Variants in PDIK1L observed in about 807,000 individuals in gnomAD.
PDIK1L encodes the protein PDLIM1 interacting kinase 1 like.
A neutral mutation model predicts 27.1 loss-of-function variants in PDIK1L; 9 were observed. The ratio of observed to expected loss-of-function variants is 0.33; its 90% confidence interval spans 0.20 to 0.58. PDIK1L has a LOEUF of 0.58. Among genes scored for constraint, PDIK1L ranks in the 20% least tolerant of loss-of-function variants. PDIK1L has a pLI of 0.86. For missense variants in PDIK1L, 216 were observed against 413.2 expected, an observed-to-expected ratio of 0.52 and a Z score of 4.14; for synonymous variants, 130 against 141.7, an observed-to-expected ratio of 0.92 and a Z score of 0.59.
At chr1:26,116,193 A>G (rs1322032673) in intron 2 of PDIK1L, among the ~76,000 whole-genome samples, 1 of 125,028 alleles carries the variant, frequency 8.0e-6, no homozygotes, top group Admixed American at 8.1e-5. Context: ...ACAGAGCAAG[A>G]CTCCATCTCA....
At position 26,119,857 on chromosome 1, in the gene PDIK1L, C is replaced by CA. The variant is rs199583352; in HGVS notation, c.286-1978dup. Among the ~76,000 whole-genome samples, 714 of 149,950 alleles carry CA rather than the reference C, an allele frequency of 4.8e-3. 3 individuals are homozygous for CA. Among genetic ancestry groups the CA allele is most frequent in the African/African-American group, 0.016 (653 of 40,756 alleles). ...CTGGCAACAGAGTGAGACTCTGTCT[C>CA]AATAAAAAAAAAATTGAAAAAAGAT... On this transcript the variant is annotated intron_variant, in intron 2 of 2. Transcript: ENST00000374269.
At chr1:26,119,325 T>A (rs1331273343) in intron 2 of PDIK1L, among the ~76,000 whole-genome samples, 1 of 151,876 alleles carries the variant, frequency 6.6e-6, no homozygotes. Flanking sequence ...GGAGGATCAT[T>A]TGAGCCAGGG....
chr1:26,113,702 T>C (rs975915158), intron 1 of PDIK1L, among the ~76,000 whole-genome samples: 1 of 152,134 alleles, frequency 6.6e-6, no homozygotes, highest in African/African-American at 2.4e-5. Context: ...ATAAGCCAGG[T>C]GTTTGTATTT....
chr1:26,115,416 A>C (rs2087860101), intron 2 of PDIK1L, among the ~76,000 whole-genome samples: 1 of 152,254 alleles, frequency 6.6e-6, no homozygotes, highest in Non-Finnish European at 1.5e-5. Context: ...GGCTTCTGCC[A>C]GAAATTAAAA....
At chr1:26,118,542 A>C (rs1347004071) in intron 2 of PDIK1L, among the ~76,000 whole-genome samples, 1 of 152,212 alleles carries the variant, frequency 6.6e-6, no homozygotes, top group Non-Finnish European at 1.5e-5. Flanking sequence ...TGCTAGCTGA[A>C]TGACCTTGGA....
At position 26,114,577 on chromosome 1, in the gene PDIK1L, C is replaced by G. The variant is rs1356550232; in HGVS notation, c.269C>G (p.Ser90Cys). The G allele has an allele frequency of 1.2e-6, 2 of 1,613,514 alleles. No individual in the cohort carries two copies. The highest frequency in any genetic ancestry group is 2.2e-5 in the South Asian group (2 of 91,080). The change falls in exon 2 of 3, where the codon TCT becomes TGT. Residue 90 changes from serine (S) to cysteine (C), a missense_variant. Ser to Cys is a moderately radical substitution (Grantham distance 112, BLOSUM62 -1). This residue lies in a region of PDIK1L where 169 missense variants were observed against 366.0 expected (regional missense o/e 0.46). Transcript: ENST00000374269. The surrounding 1 kb of genome is among the most constrained non-coding windows in gnomAD (Gnocchi z 4.8). Reference sequence around the variant, plus strand: ...CAAAAGATGTCCCACGGCTCTAATTCTTCCCTTTATTTACAGGTATGTGTT... The same window carrying G: ...CAAAAGATGTCCCACGGCTCTAATTGTTCCCTTTATTTACAGGTATGTGTT... ...MVQKMSHGSN[S>C]SLYLQLVETS...
intron 2 of PDIK1L, among the ~76,000 whole-genome samples, chr1:26,118,526 A>G (rs1208226474): frequency 6.6e-6 from 1 of 152,194 alleles, no homozygotes; most frequent in Non-Finnish European, 1.5e-5. Flanking sequence ...CACTTATGGT[A>G]TGTTTTGCTA....
At chr1:26,121,285 G>A (rs141046089) in intron 2 of PDIK1L, among the ~76,000 whole-genome samples, 5 of 152,330 alleles carry the variant, frequency 3.3e-5, no homozygotes, top group East Asian at 1.9e-4. Flanking sequence ...ATGAAGTAAC[G>A]ACGTCAGTCT....
At position 26,122,875 on chromosome 1, in the gene PDIK1L, T is replaced by C. The variant is rs529014964; in HGVS notation, c.*298T>C. On this transcript the variant is annotated 3_prime_UTR_variant, in exon 3 of 3. Transcript: ENST00000374269. The surrounding 1 kb of genome is among the most constrained non-coding windows in gnomAD (Gnocchi z 5.4). Reference sequence around the variant, plus strand: ...AAGAGAGTCCAGTTTTCTGGAAATATGTCTTTAAGTATTTTAGACATTCCT... The same window carrying C: ...AAGAGAGTCCAGTTTTCTGGAAATACGTCTTTAAGTATTTTAGACATTCCT... 2.4e-4 allele frequency: 54 copies of C among 225,104 alleles called. No homozygotes were observed. The highest frequency in any genetic ancestry group is 1.1e-3 in the African/African-American group (49 of 43,722). The allele number at this position is 225,104 out of a possible 1,614,324, so 13.9% of individuals were successfully genotyped here. A position where few individuals can be genotyped will look rare whatever the true frequency, so the allele number is the denominator to read the frequency against.
intron 2 of PDIK1L, among the ~76,000 whole-genome samples, chr1:26,117,975 A>C (rs573662653): frequency 4.1e-4 from 61 of 150,238 alleles, no homozygotes; most frequent in African/African-American, 1.2e-3. Flanking sequence ...TGGGAGGATC[A>C]CTTGAGCCTT....
Position 26,114,445 on chromosome 1 carries a change from A to G in PDIK1L, c.137A>G (p.Asn46Ser). The G allele has an allele frequency of 6.2e-7, 1 of 1,614,166 alleles. No homozygotes were observed. The highest frequency in any genetic ancestry group is 8.5e-7 in the Non-Finnish European group (1 of 1,180,014). ...AAAATTCGATGTCACGCACCTGAAA[A>G]TGTTGAACTAGCCCTTCGTGAGTTC... ...VKKIRCHAPE[N>S]VELALREFWA... The change falls in exon 2 of 3, where the codon AAT becomes AGT. Residue 46 changes from asparagine to serine, a missense_variant. Asn to Ser is a conservative substitution (Grantham distance 46, BLOSUM62 1). Coordinates refer to ENST00000374269, the MANE Select transcript of PDIK1L (RefSeq NM_152835.5). This position sits in a 1 kb window ranked among gnomAD's most constrained non-coding sequence, Gnocchi z 4.8.
At position 26,122,679 on chromosome 1, in the gene PDIK1L, T is replaced by C; in HGVS notation, c.*102T>C. 1 of 1,326,282 alleles carries C rather than the reference T, an allele frequency of 7.5e-7. No individual in the cohort carries two copies. Among genetic ancestry groups the C allele is most frequent in the South Asian group, 2.0e-5 (1 of 50,996 alleles). The allele number at this position is 1,326,282 out of a possible 1,614,324, so 82.2% of individuals were successfully genotyped here. A position where few individuals can be genotyped will look rare whatever the true frequency, so the allele number is the denominator to read the frequency against. Reference sequence around the variant, plus strand: ...GAATATAAAAAGCTAGACTCTACCCTCTAAGGGTTTAGATTTTTTGTGGGA... The same window carrying C: ...GAATATAAAAAGCTAGACTCTACCCCCTAAGGGTTTAGATTTTTTGTGGGA... On this transcript the variant is annotated 3_prime_UTR_variant, in exon 3 of 3. Transcript: ENST00000374269. This position sits in a 1 kb window ranked among gnomAD's most constrained non-coding sequence, Gnocchi z 5.4.
intron 2 of PDIK1L, among the ~76,000 whole-genome samples, chr1:26,119,017 AC>A (rs1411612245): frequency 1.3e-5 from 2 of 152,246 alleles, no homozygotes; most frequent in Non-Finnish European, 2.9e-5. Flanking sequence ...ATGCATGGGA[AC>A]CTAGTGGCCA....
Position 26,122,585 on chromosome 1 carries a change from T to G in PDIK1L, c.*8T>G, listed in dbSNP as rs373982178. 5.5e-5 allele frequency: 87 copies of G among 1,592,956 alleles called. No individual in the cohort carries two copies. The African/African-American group carries it at 1.0e-3, about 19-fold the overall frequency. ...AGCAGCTGGGAAACGTGACACATAT[T>G]ATTTGCAAATACCATGGATGATATG... is the stretch of plus-strand genomic sequence containing the variant. On this transcript the variant is annotated 3_prime_UTR_variant, in exon 3 of 3. Coordinates refer to ENST00000374269, the MANE Select transcript of PDIK1L (RefSeq NM_152835.5). This position sits in a 1 kb window ranked among gnomAD's most constrained non-coding sequence, Gnocchi z 5.4.
chr1:26,120,031 T>C (rs1426201695), intron 2 of PDIK1L, among the ~76,000 whole-genome samples: 1 of 152,218 alleles, frequency 6.6e-6, no homozygotes, highest in Non-Finnish European at 1.5e-5. Context: ...GAGAAATCAA[T>C]GGCTAACATC....
rs1445912202 is a variant in PDIK1L at position 26,114,416 on chromosome 1, G to A, written c.108G>A (p.Val36=). 1.2e-6 allele frequency: 2 copies of A among 1,613,974 alleles called. No homozygotes were observed. The highest frequency in any genetic ancestry group is 4.5e-5 in the East Asian group (2 of 44,892). Residue 36 remains valine, a synonymous_variant, in exon 2 of 3, where the codon GTG becomes GTA. Transcript: ENST00000374269. This position sits in a 1 kb window ranked among gnomAD's most constrained non-coding sequence, Gnocchi z 4.8. ...VIRKTSARVA[V]KKIRCHAPEN... ...GAAAGACCTCTGCACGGGTGGCAGT[G>A]AAGAAAATTCGATGTCACGCACCTG...
intron 1 of PDIK1L, chr1:26,112,589 C>T (rs918934980): frequency 9.8e-5 from 15 of 152,362 alleles, no homozygotes; most frequent in African/African-American, 3.4e-4. Context: ...TGCTGTGCAG[C>T]CGGCGCAGAG....
chr1:26,113,419 G>A (rs1277696122), intron 1 of PDIK1L, among the ~76,000 whole-genome samples: 1 of 151,076 alleles, frequency 6.6e-6, no homozygotes. Flanking sequence ...GTGAACCTGG[G>A]AGGCGGAGCT....
rs1442369894 is a variant in PDIK1L at position 26,125,312 on chromosome 1, A to G, written c.*2735A>G. The G allele has an allele frequency of 1.3e-5, 2 of 152,540 alleles. No individual in the cohort carries two copies. Among genetic ancestry groups the G allele is most frequent in the African/African-American group, 4.8e-5 (2 of 41,416 alleles). 9.4% of individuals were successfully genotyped at this position (152,540 alleles called of 1,614,324 possible). A position where few individuals can be genotyped will look rare whatever the true frequency, so the allele number is the denominator to read the frequency against. On this transcript the variant is annotated 3_prime_UTR_variant, in exon 3 of 3. Transcript: ENST00000374269. ...TTTCTCTTCGTTGTTGTTGTTTTTA[A>G]TTGTAAATTGTTATCAATCAAACTA...
Sources: gnomAD v4.1 joint callset for allele counts (sites outside exome capture counted in the v4.1 genomes callset) on GRCh38, gnomAD v4.1.1 for gene constraint, gnomAD v4.1.1 regional missense constraint, Gnocchi (gnomAD v3.1) non-coding constraint, MANE v1.5 for transcripts, NCBI Gene and HGNC (gene_info 2026-07-23, HGNC 2026-07-21) for gene names.